Variants in WDR70 observed in about 807,000 individuals in gnomAD.
WDR70 encodes the protein WD repeat-containing protein 70.
Under a neutral mutation model 88.6 loss-of-function variants are expected in WDR70, and 53 were observed. The observed-to-expected ratio is 0.60, with a 90% CI of 0.48 to 0.75. The LOEUF (loss-of-function observed/expected upper bound fraction) is 0.75, where lower values mean the gene tolerates loss of function less well. Among genes scored for constraint, WDR70 ranks in the 30% least tolerant of loss-of-function variants. WDR70 has a pLI of 0.00. For synonymous variants in WDR70, 280 were observed against 270.0 expected (o/e 1.04, Z -0.36); for missense variants, 610 against 823.2 (o/e 0.74, Z 3.17).
At chr5:37,683,671 C>T (rs1249973367) in intron 10 of WDR70, among the ~76,000 whole-genome samples, 8 of 152,180 alleles carry the variant, frequency 5.3e-5, no homozygotes, top group Non-Finnish European at 7.3e-5. Context: ...TATTGGCTCC[C>T]AGTCTCTTCT....
At chr5:37,542,934 C>T (rs989201576) in intron 9 of WDR70, among the ~76,000 whole-genome samples, 1 of 152,198 alleles carries the variant, frequency 6.6e-6, no homozygotes, top group Non-Finnish European at 1.5e-5. Flanking sequence ...TTATTCACCC[C>T]ACGAATCTGA....
At chr5:37,424,031 C>T (rs1214639463) in intron 5 of WDR70, among the ~76,000 whole-genome samples, 3 of 149,356 alleles carry the variant, frequency 2.0e-5, no homozygotes, top group African/African-American at 7.3e-5. Flanking sequence ...TGCTTGTAAT[C>T]CTGTCTACTC....
At chr5:37,737,109 G>A (rs576912168) in intron 17 of WDR70, among the ~76,000 whole-genome samples, 1 of 152,226 alleles carries the variant, frequency 6.6e-6, no homozygotes, top group East Asian at 1.9e-4. Context: ...AGGAACACCT[G>A]ATATCCAAAG....
chr5:37,604,754 A>T (rs4869534), intron 9 of WDR70, among the ~76,000 whole-genome samples: 1 of 152,222 alleles, frequency 6.6e-6, no homozygotes, highest in Non-Finnish European at 1.5e-5. Flanking sequence ...GATCAGGGGT[A>T]AAGTCAGAAT....
rs70978834 is a variant in WDR70 at position 37,649,733 on chromosome 5, C to CTTTTTTTTTTTTTTTT, written c.1092+44502_1092+44517dup. Among the ~76,000 whole-genome samples the CTTTTTTTTTTTTTTTT allele has an allele frequency of 1.9e-4, 13 of 68,738 alleles. 3 individuals carry two copies. The highest frequency in any genetic ancestry group is 7.1e-4 in the African/African-American group (11 of 15,598). The allele number at this position is 68,738 out of a possible 152,430, so 45.1% of individuals were successfully genotyped here. On this transcript the variant is annotated intron_variant, in intron 10 of 17. Transcript: ENST00000265107. Reference sequence around the variant, plus strand: ...ATATACATTCACGATGTTATTACTTCTTTTTTTTTTTTTTTTTTTTTTGAG... The same window carrying CTTTTTTTTTTTTTTTT: ...ATATACATTCACGATGTTATTACTTCTTTTTTTTTTTTTTTTTTTTTTTTTTTTTTTTTTTTTTGAG...
At chr5:37,616,645 C>G (rs182069674) in intron 10 of WDR70, among the ~76,000 whole-genome samples, 328 of 152,258 alleles carry the variant, frequency 2.2e-3, no homozygotes, top group African/African-American at 7.6e-3. Flanking sequence ...GATTATGTAT[C>G]TAGGGATATA....
At chr5:37,733,990 A>G (rs1329307373) in intron 17 of WDR70, among the ~76,000 whole-genome samples, 1 of 151,982 alleles carries the variant, frequency 6.6e-6, no homozygotes, top group Non-Finnish European at 1.5e-5. Context: ...AGCTACATAT[A>G]TGTGTGTTAT....
chr5:37,551,826 G>A (rs1314607655), intron 9 of WDR70, among the ~76,000 whole-genome samples: 3 of 122,966 alleles, frequency 2.4e-5, no homozygotes, highest in Non-Finnish European at 4.7e-5. Context: ...AGGCTACAGT[G>A]CAGTGGTGCA....
chr5:37,383,155 G>A (rs1001567093), intron 3 of WDR70, among the ~76,000 whole-genome samples: 1 of 152,176 alleles, frequency 6.6e-6, no homozygotes, highest in African/African-American at 2.4e-5. Flanking sequence ...GCAATATCCA[G>A]TATTTGGCAG....
intron 10 of WDR70, among the ~76,000 whole-genome samples, chr5:37,685,469 C>A (rs990457632): frequency 6.6e-6 from 1 of 152,082 alleles, no homozygotes; most frequent in African/African-American, 2.4e-5. Context: ...GTTGCCGAGG[C>A]TGCACTGCAA....
At chr5:37,553,894 A>G (rs371320303) in intron 9 of WDR70, among the ~76,000 whole-genome samples, 86 of 152,266 alleles carry the variant, frequency 5.6e-4, no homozygotes, top group Middle Eastern at 6.8e-3. Context: ...AATTGAGTTC[A>G]TGTACTTAAA....
intron 9 of WDR70, among the ~76,000 whole-genome samples, chr5:37,535,746 G>A (rs1376627240): frequency 6.6e-6 from 1 of 152,104 alleles, no homozygotes. Flanking sequence ...TATGTCTGAA[G>A]CACTTTATAT....
intron 5 of WDR70, among the ~76,000 whole-genome samples, chr5:37,414,077 G>A (rs1473527194): frequency 2.0e-5 from 3 of 150,686 alleles, no homozygotes; most frequent in East Asian, 2.0e-4. Context: ...CTCAGGAGGC[G>A]GAGGTTGCGG....
intron 8 of WDR70, among the ~76,000 whole-genome samples, chr5:37,510,088 A>C (rs1251247931): frequency 2.7e-5 from 4 of 147,120 alleles, no homozygotes; most frequent in African/African-American, 8.1e-5. Flanking sequence ...CCCCCCCCCA[A>C]AAAAAAACTT....
At chr5:37,457,511 A>G (rs1445160987) in intron 7 of WDR70, among the ~76,000 whole-genome samples, 6 of 152,208 alleles carry the variant, frequency 3.9e-5, no homozygotes, top group Non-Finnish European at 2.9e-5. Context: ...GCAATTTGGC[A>G]TTCTCTTCCA....
At chr5:37,513,132 T>C (rs1447216387) in intron 8 of WDR70, among the ~76,000 whole-genome samples, 1 of 152,170 alleles carries the variant, frequency 6.6e-6, no homozygotes, top group African/African-American at 2.4e-5. Context: ...TGTGTGAATA[T>C]GTAAAATGTT....
Position 37,719,397 on chromosome 5 carries a change from T to A in WDR70, c.1417-1718T>A, listed in dbSNP as rs968628774. The stretch of plus-strand genomic sequence containing the variant: ...AACTATCAAATTAAATATATCTTAT[T>A]TTTTCAAGTTTTTCTGTTAATATTT... On this transcript the variant is annotated intron_variant, in intron 13 of 17. Transcript: ENST00000265107. Among the ~76,000 whole-genome samples the A allele has an allele frequency of 8.0e-5, 12 of 150,542 alleles. 1 individual carries two copies. In the South Asian group the frequency reaches 1.9e-3, roughly 24 times the overall value.
rs1357245538 is a variant in WDR70 at position 37,563,148 on chromosome 5, C to T, written c.918-41916C>T. ...GGGGCTGACCTCCCGGCCTCCCTCC[C>T]GGATGGGGGGGCTGGCTGGGCGGGG... On this transcript the variant is annotated intron_variant, in intron 9 of 17. Coordinates refer to ENST00000265107, the MANE Select transcript of WDR70 (RefSeq NM_018034.4). Among the ~76,000 whole-genome samples, 26 of 68,042 alleles carry T rather than the reference C, an allele frequency of 3.8e-4. 11 individuals carry two copies. The highest frequency in any genetic ancestry group is 9.0e-4 in the Non-Finnish European group (24 of 26,764). The allele number at this position is 68,042 out of a possible 152,430, so 44.6% of individuals were successfully genotyped here.
chr5:37,662,141 G>C (rs577561658), intron 10 of WDR70, among the ~76,000 whole-genome samples: 1 of 152,094 alleles, frequency 6.6e-6, no homozygotes, highest in African/African-American at 2.4e-5. Flanking sequence ...TAATTTCCTC[G>C]GTTATAATTT....
Sources: allele counts gnomAD v4.1 joint callset (sites outside exome capture counted in the v4.1 genomes callset), GRCh38; gene constraint gnomAD v4.1.1; transcripts MANE v1.5; gene names NCBI Gene and HGNC (gene_info 2026-07-23, HGNC 2026-07-21).